Variants in MAX observed in about 807,000 individuals in gnomAD.
MAX encodes the protein MYC associated transcriptional regulator X.
A neutral mutation model predicts 22.3 loss-of-function variants in MAX; 3 were observed. The ratio of observed to expected loss-of-function variants is 0.13; its 90% CI spans 0.06 to 0.35. The LOEUF (loss-of-function observed/expected upper bound fraction) is 0.35. Among genes scored for constraint, MAX ranks in the 10% least tolerant of loss-of-function variants. The pLI is 1.00. For missense variants in MAX, 119 were observed against 209.4 expected (o/e 0.57, Z 2.66); for synonymous variants, 72 against 77.7 (o/e 0.93, Z 0.39).
chr14:65,071,840 T>C (rs916211458), downstream of MAX, among the ~76,000 whole-genome samples: 2 of 152,236 alleles, frequency 1.3e-5, no homozygotes, highest in African/African-American at 2.4e-5. This position sits in a 1 kb window ranked among gnomAD's most constrained non-coding sequence, Gnocchi z 4.2. Flanking sequence ...CCAAAACCCA[T>C]GCACAGGCCT....
intron 3 of MAX, among the ~76,000 whole-genome samples, chr14:65,067,662 T>A (rs2062944703): frequency 6.6e-6 from 1 of 151,930 alleles, no homozygotes; most frequent in Admixed American, 6.6e-5. Context: ...TGTCTTGCTC[T>A]GTCGCCCAGG....
rs116076072 is a variant in MAX at position 65,032,903 on chromosome 14, G to A, written c.172-26619C>T. Among the ~76,000 whole-genome samples, 780 of 142,964 alleles carry A rather than the reference G, an allele frequency of 5.5e-3. 4 individuals are homozygous for A. The highest frequency in any genetic ancestry group is 0.019 in the African/African-American group (753 of 40,042). The allele number at this position is 142,964 out of a possible 152,430, so 93.8% of individuals were successfully genotyped here. A position where few individuals can be genotyped will look rare whatever the true frequency, so the allele number is the denominator to read the frequency against. On this transcript the variant is annotated intron_variant, in intron 3 of 3. Coordinates refer to the MAX transcript ENST00000341653. This position sits in a 1 kb window ranked among gnomAD's most constrained non-coding sequence, Gnocchi z 5.0. ...TAATGTTATATTATATTTTAGATTG[G>A]CAAAGATAAAAAACTTTGGTAAACA...
Position 65,053,711 on chromosome 14 carries a change from A to T in MAX, c.171+39997T>A, listed in dbSNP as rs1190195685. 2.0e-5 allele frequency among the ~76,000 whole-genome samples: 3 copies of T among 152,216 alleles called. No individual in the cohort carries two copies. The East Asian group carries it at 5.8e-4, about 29-fold the overall frequency. On this transcript the variant is annotated intron_variant, in intron 3 of 3. Transcript: ENST00000341653. ...AGTGTTGTAAACAGAGACTGTAATC[A>T]TGACAACTATTATAGAGTGGATTAA...
In MAX at chr14:65,075,781, G is replaced by A. The variant is rs1457402340; in HGVS notation, c.*695C>T. 1 of 1,066,604 alleles carries A rather than the reference G, an allele frequency of 9.4e-7. No individual in the cohort carries two copies. The highest frequency in any genetic ancestry group is 1.6e-5 in the African/African-American group (1 of 61,098). 66.1% of individuals were successfully genotyped at this position (1,066,604 alleles called of 1,614,324 possible). On this transcript the variant is annotated 3_prime_UTR_variant, in exon 5 of 5. Coordinates refer to ENST00000358664, the MANE Select transcript of MAX (RefSeq NM_002382.5). The surrounding 1 kb of genome is among the most constrained non-coding windows in gnomAD (Gnocchi z 4.1). ...GCCATCTCCCATACATACCACGAGA[G>A]TGTCACACGGCCCTCCGTGAGGCTG...
intron 3 of MAX, among the ~76,000 whole-genome samples, chr14:65,065,332 T>C (rs922626263): frequency 3.9e-5 from 6 of 152,174 alleles, no homozygotes; most frequent in African/African-American, 1.4e-4. Context: ...TATGAGACAA[T>C]GTGAGTTGGA....
At position 65,098,730 on chromosome 14, in the gene MAX, G is replaced by A. The variant is rs1005032232; in HGVS notation, c.63+2816C>T. ...GAATTTAGTAGTAAGAATACTCTTT[G>A]GGGTTACTTCCTTTAACAAAGCTTA... On this transcript the variant is annotated intron_variant, in intron 2 of 4. Transcript: ENST00000358664. Among the ~76,000 whole-genome samples the A allele has an allele frequency of 1.1e-4, 17 of 152,132 alleles. No individual in the cohort carries two copies. In the East Asian group the frequency reaches 1.7e-3, roughly 16 times the overall value.
rs1274390819 is a variant in MAX at position 65,023,763 on chromosome 14, T to TC, written c.172-17480dup. On this transcript the variant is annotated intron_variant, in intron 3 of 3. Transcript: ENST00000341653. This position sits in a 1 kb window ranked among gnomAD's most constrained non-coding sequence, Gnocchi z 4.1. The stretch of plus-strand genomic sequence containing the variant: ...TATCTCATTGCTACTCAAAATGTGG[T>TC]CCCCAGACCAGGAGCATTGCTATCA... 6.6e-6 allele frequency among the ~76,000 whole-genome samples: 1 copy of TC among 152,078 alleles called. No homozygotes were observed. The highest frequency in any genetic ancestry group is 1.5e-5 in the Non-Finnish European group (1 of 68,010).
chr14:65,015,621 C>T, intron 3 of MAX: 1 of 1,614,022 alleles, frequency 6.2e-7, no homozygotes, highest in Non-Finnish European at 8.5e-7. Flanking sequence ...TGTCTCTCTC[C>T]CAGTGTCTGG....
intron 3 of MAX, among the ~76,000 whole-genome samples, chr14:65,021,019 C>G (rs60830527): frequency 2.0e-5 from 3 of 152,192 alleles, no homozygotes; most frequent in African/African-American, 7.2e-5. Context: ...TGTGAGCCAC[C>G]GCACCCGGCC....
At chr14:65,068,364 G>A (rs2062952437) in intron 3 of MAX, among the ~76,000 whole-genome samples, 1 of 152,164 alleles carries the variant, frequency 6.6e-6, no homozygotes, top group African/African-American at 2.4e-5. Context: ...GAACCTGGGA[G>A]GCAGAGGTTG....
Position 65,082,602 on chromosome 14 carries a change from T to C in MAX, c.172-4566A>G, listed in dbSNP as rs1157078415. Among the ~76,000 whole-genome samples the C allele has an allele frequency of 6.6e-6, 1 of 151,738 alleles. No homozygotes were observed. Reference sequence around the variant, plus strand: ...AACACAGCAAGACACTTGGGCTCTATAAAAAAATCAAAAGATTAGCTGGGC... The same window carrying C: ...AACACAGCAAGACACTTGGGCTCTACAAAAAAATCAAAAGATTAGCTGGGC... On this transcript the variant is annotated intron_variant, in intron 3 of 4. Coordinates refer to ENST00000358664, the MANE Select transcript of MAX (RefSeq NM_002382.5). The surrounding 1 kb of genome is among the most constrained non-coding windows in gnomAD (Gnocchi z 4.8).
Position 65,076,532 on chromosome 14 carries a change from C to G in MAX, c.427G>C (p.Glu143Gln). The stretch of plus-strand genomic sequence containing the variant: ...CTTTGGGGCTCTTCAGGCTCAGACT[C>G]CGAGCTGGAGTCCGAGCCCCCATCG... ...AFDGGSDSSS[E>Q]SEPEEPQSRK... is the part of the protein sequence containing the mutation. The change falls in exon 5 of 5, where the codon GAG becomes CAG. Residue 143 changes from glutamate (E) to glutamine (Q), a missense_variant. Glu to Gln is a conservative substitution (Grantham distance 29). Coordinates refer to ENST00000358664, the MANE Select transcript of MAX (RefSeq NM_002382.5). This position sits in a 1 kb window ranked among gnomAD's most constrained non-coding sequence, Gnocchi z 6.6. 1 of 1,614,052 alleles carries G rather than the reference C, an allele frequency of 6.2e-7. No homozygotes were observed. Among genetic ancestry groups the G allele is most frequent in the Non-Finnish European group, 8.5e-7 (1 of 1,180,008 alleles).
At chr14:65,021,931 C>G (rs2061894595) in intron 3 of MAX, 3 of 456,080 alleles carry the variant, frequency 6.6e-6, no homozygotes, top group Non-Finnish European at 1.3e-5. Flanking sequence ...TAGGCGTGAG[C>G]CACTGCGCCC....
chr14:65,091,243 A>G lies in MAX; in HGVS notation c.171+2465T>C, dbSNP rs541440134. ...AAAACGCCAGGTTTAGTGAGAACTG[A>G]TAAGTCTAAGGGACCAAAATATTCT... On this transcript the variant is annotated intron_variant, in intron 3 of 4. Coordinates refer to ENST00000358664, the MANE Select transcript of MAX (RefSeq NM_002382.5). 3.3e-5 allele frequency among the ~76,000 whole-genome samples: 5 copies of G among 152,362 alleles called. No homozygotes were observed. In the East Asian group the frequency reaches 7.7e-4, roughly 23 times the overall value.
In MAX at chr14:65,044,179, A is replaced by C; in HGVS notation, c.172-37895T>G. 1 of 1,503,338 alleles carries C rather than the reference A, an allele frequency of 6.7e-7. No individual in the cohort carries two copies. Among genetic ancestry groups the C allele is most frequent in the Non-Finnish European group, 9.1e-7 (1 of 1,101,054 alleles). The allele number at this position is 1,503,338 out of a possible 1,614,324, so 93.1% of individuals were successfully genotyped here. On this transcript the variant is annotated intron_variant, in intron 3 of 3. Transcript: ENST00000341653. The surrounding 1 kb of genome is among the most constrained non-coding windows in gnomAD (Gnocchi z 5.5). ...GGAGGGAAGGAAAGAAAACCAGAGC[A>C]CCAAAACTAGAGTGCCAAGAAGCCA...
At chr14:65,006,111 C>G (rs1423198365), downstream of MAX, 9 of 1,590,362 alleles carry the variant, frequency 5.7e-6, no homozygotes, top group Non-Finnish European at 7.7e-6. Flanking sequence ...CTTCTGCTTA[C>G]TGGAACATTA....
chr14:65,055,049 C>T (rs1489905990), intron 3 of MAX, among the ~76,000 whole-genome samples: 1 of 152,256 alleles, frequency 6.6e-6, no homozygotes, highest in Non-Finnish European at 1.5e-5. Context: ...AGCCATGCGG[C>T]ACTGGCTGTA....
At chr14:65,055,214 C>G (rs1210779334) in intron 3 of MAX, among the ~76,000 whole-genome samples, 1 of 152,190 alleles carries the variant, frequency 6.6e-6, no homozygotes, top group Non-Finnish European at 1.5e-5. Flanking sequence ...GTCTGCTTTC[C>G]TGAAAAAACA....
At chr14:65,089,202 G>A (rs1167766842) in intron 3 of MAX, among the ~76,000 whole-genome samples, 2 of 152,162 alleles carry the variant, frequency 1.3e-5, no homozygotes, top group African/African-American at 4.8e-5. Context: ...CAAGCCTGCT[G>A]TTTCCTCTGG....
Sources: allele counts gnomAD v4.1 joint callset (sites outside exome capture counted in the v4.1 genomes callset), GRCh38; gene constraint gnomAD v4.1.1; non-coding constraint Gnocchi (gnomAD v3.1); transcripts MANE v1.5; gene names NCBI Gene and HGNC (gene_info 2026-07-23, HGNC 2026-07-21).